The following FAM135B variants were observed in gnomAD, a reference collection of about 807,000 sequenced individuals.
FAM135B encodes the protein protein FAM135B.
FAM135B carries 43 observed loss-of-function variants against 127.7 expected under a neutral mutation model. The observed-to-expected ratio is 0.34, with a 90% CI of 0.26 to 0.43. The LOEUF is 0.43. Ranked by LOEUF, FAM135B falls within the 20% of genes least tolerant of loss-of-function variation. The pLI is 1.00. For synonymous variants in FAM135B, 670 were observed against 665.1 expected, an observed-to-expected ratio of 1.01 and a Z score of -0.11; for missense variants, 1,558 against 1,725.6, an observed-to-expected ratio of 0.90 and a Z score of 1.72.
chr8:138,304,081 G>C (rs1392021478), intron 3 of FAM135B, among the ~76,000 whole-genome samples: 1 of 152,170 alleles, frequency 6.6e-6, no homozygotes. Flanking sequence ...GGGGAATGGA[G>C]AACCAGGGTA....
chr8:138,444,821 T>C (rs1184946740), intron 1 of FAM135B, among the ~76,000 whole-genome samples: 1 of 151,948 alleles, frequency 6.6e-6, no homozygotes, highest in Non-Finnish European at 1.5e-5. Context: ...CTGAAGGAGA[T>C]AGAGACACAA....
chr8:138,423,316 C>A (rs1003134518), intron 1 of FAM135B, among the ~76,000 whole-genome samples: 2 of 152,086 alleles, frequency 1.3e-5, no homozygotes, highest in Non-Finnish European at 2.9e-5. Context: ...AGGGAGATAT[C>A]GGGGAAAATT....
In FAM135B at chr8:138,487,639, GT is replaced by G. The variant is rs1294585819; in HGVS notation, c.-20+9031del. Among the ~76,000 whole-genome samples, 1,479 of 149,430 alleles carry G rather than the reference GT, an allele frequency of 9.9e-3. 31 individuals carry two copies. Among genetic ancestry groups the G allele is most frequent in the African/African-American group, 0.035 (1,390 of 39,792 alleles). On this transcript the variant is annotated intron_variant, in intron 1 of 19. Coordinates refer to ENST00000395297, the MANE Select transcript of FAM135B (RefSeq NM_015912.4). ...ATCCAAGCCCTAGGTGTGTGTGGGGGTGGGGGCGGGGCAGGGGCTGGGCAGG... is the reference window on the plus strand; with the variant it reads ...ATCCAAGCCCTAGGTGTGTGTGGGGGGGGGGCGGGGCAGGGGCTGGGCAGG...
At chr8:138,380,247 G>A (rs1831762253) in intron 1 of FAM135B, among the ~76,000 whole-genome samples, 1 of 151,644 alleles carries the variant, frequency 6.6e-6, no homozygotes, top group African/African-American at 2.4e-5. Context: ...ACCCAAGCTG[G>A]AGCGTAGTGG....
chr8:138,491,103 T>C (rs1815176111), intron 1 of FAM135B, among the ~76,000 whole-genome samples: 1 of 142,992 alleles, frequency 7.0e-6, no homozygotes, highest in Admixed American at 7.3e-5. Flanking sequence ...ATCGTGCCAT[T>C]GCACTCCCAG....
intron 9 of FAM135B, among the ~76,000 whole-genome samples, chr8:138,179,901 G>A (rs542468188): frequency 9.2e-5 from 14 of 152,180 alleles, no homozygotes; most frequent in African/African-American, 2.4e-4. Context: ...GGCTGGTCTC[G>A]AACTCCTGGG....
intron 1 of FAM135B, among the ~76,000 whole-genome samples, chr8:138,446,812 A>C (rs1282024859): frequency 1.3e-5 from 2 of 151,792 alleles, no homozygotes; most frequent in Non-Finnish European, 2.9e-5. Context: ...AATGGGATCT[A>C]ATTAAACTAA....
chr8:138,397,344 C>T (rs781653359), intron 1 of FAM135B, among the ~76,000 whole-genome samples: 1 of 152,270 alleles, frequency 6.6e-6, no homozygotes, highest in South Asian at 2.1e-4. Context: ...TGGGTAAGCC[C>T]AGGGCCATGG....
At position 138,338,665 on chromosome 8, in the gene FAM135B, C is replaced by G. The variant is rs1039558526; in HGVS notation, c.78-27745G>C. ...GAACACTTTTACACTGTTGGTGGGA[C>G]TGTAAACTAGTTCAACCATTGTGGA... On this transcript the variant is annotated intron_variant, in intron 2 of 19. Transcript: ENST00000395297. Among the ~76,000 whole-genome samples the G allele has an allele frequency of 7.3e-4, 110 of 151,634 alleles. No individual in the cohort carries two copies. In the Middle Eastern group the frequency reaches 0.014, roughly 19 times the overall value.
intron 1 of FAM135B, among the ~76,000 whole-genome samples, chr8:138,397,473 C>A (rs1195582510): frequency 1.4e-4 from 22 of 152,160 alleles, no homozygotes; most frequent in Non-Finnish European, 1.5e-5. Context: ...ACATTGTACA[C>A]TTTAAATAGT....
rs567164370 is a variant in FAM135B, at chr8:138,243,458, C to A, written c.543-390G>T. ...GTCTGAGTCCTGTCCCTGCTCCTTC[C>A]ACCAACTCCTCCCTCCCTGGACCTC... On this transcript the variant is annotated intron_variant, in intron 6 of 19. Transcript: ENST00000395297. This position sits in a 1 kb window ranked among gnomAD's most constrained non-coding sequence, Gnocchi z 7.5. Among the ~76,000 whole-genome samples, 11 of 152,296 alleles carry A rather than the reference C, an allele frequency of 7.2e-5. No homozygotes were observed. The highest frequency in any genetic ancestry group is 3.4e-3 in the Middle Eastern group (1 of 294).
intron 1 of FAM135B, among the ~76,000 whole-genome samples, chr8:138,482,004 T>C (rs1814799156): frequency 1.3e-5 from 2 of 152,180 alleles, no homozygotes; most frequent in Admixed American, 6.5e-5. Flanking sequence ...TGTGGAATTG[T>C]TCAGTTCAGA....
At chr8:138,159,291 A>AAAAAAAAAAAAAAT (rs1819114720) in intron 12 of FAM135B, among the ~76,000 whole-genome samples, 1 of 136,736 alleles carries the variant, frequency 7.3e-6, no homozygotes. Context: ...AAAAAAAAAA[A>AAAAAAAAAAAAAAT]GACACATGCA....
At chr8:138,440,275 C>T (rs2131542582) in intron 1 of FAM135B, 1 of 152,152 alleles carries the variant, frequency 6.6e-6, no homozygotes, top group East Asian at 1.9e-4. Context: ...AACCCTTAAG[C>T]CACCCCAGAA....
At chr8:138,203,808 T>C (rs1373649416) in intron 7 of FAM135B, among the ~76,000 whole-genome samples, 1 of 152,196 alleles carries the variant, frequency 6.6e-6, no homozygotes, top group East Asian at 1.9e-4. Flanking sequence ...CACCATAATG[T>C]AGAGTCAGTG....
At chr8:138,435,806 C>A (rs901336284) in intron 1 of FAM135B, among the ~76,000 whole-genome samples, 3 of 152,132 alleles carry the variant, frequency 2.0e-5, no homozygotes, top group Admixed American at 1.3e-4. Context: ...TATCCTATCA[C>A]CCCTTTGTTT....
At chr8:138,400,804 T>C (rs1238167522) in intron 1 of FAM135B, among the ~76,000 whole-genome samples, 5 of 152,112 alleles carry the variant, frequency 3.3e-5, no homozygotes, top group Non-Finnish European at 5.9e-5. Context: ...CCAAAATCCA[T>C]ACAATAGGTC....
chr8:138,438,667 G>C (rs1421872702), intron 1 of FAM135B: 1 of 152,162 alleles, frequency 6.6e-6, no homozygotes, highest in Non-Finnish European at 1.5e-5. Context: ...AAACAACTAA[G>C]AGAAAACCTC....
Position 138,226,184 on chromosome 8 carries a change from T to TGTGTGTGCGCGCGC in FAM135B, c.669+16757_669+16758insGCGCGCGCACACAC. Among the ~76,000 whole-genome samples the TGTGTGTGCGCGCGC allele has an allele frequency of 3.6e-3, 503 of 139,282 alleles. 3 individuals are homozygous for TGTGTGTGCGCGCGC. Among genetic ancestry groups the TGTGTGTGCGCGCGC allele is most frequent in the African/African-American group, 0.012 (452 of 37,292 alleles). The allele number at this position is 139,282 out of a possible 152,430, so 91.4% of individuals were successfully genotyped here. A position where few individuals can be genotyped will look rare whatever the true frequency, so the allele number is the denominator to read the frequency against. On this transcript the variant is annotated intron_variant, in intron 7 of 19. Transcript: ENST00000395297. ...GTGTGTGTGTGTGTGTGTGTGTGTG[T>TGTGTGTGCGCGCGC]GCGCGCATGTCATTTTTTTTTTCAT...
Sources: allele counts gnomAD v4.1 joint callset (sites outside exome capture counted in the v4.1 genomes callset), GRCh38; gene constraint gnomAD v4.1.1; non-coding constraint Gnocchi (gnomAD v3.1); transcripts MANE v1.5; gene names NCBI Gene and HGNC (gene_info 2026-07-23, HGNC 2026-07-21).